The following DPF3 variants were observed in gnomAD, a reference collection of about 807,000 sequenced individuals.
The protein encoded by DPF3 is zinc finger protein DPF3.
Under a neutral mutation model 56.8 loss-of-function variants are expected in DPF3, and 18 were observed. That is an observed-to-expected ratio of 0.32 (90% CI 0.22 to 0.47). DPF3 has a LOEUF of 0.47. Ranked by LOEUF, DPF3 falls within the 20% of genes least tolerant of loss-of-function variation. The pLI is 1.00. For synonymous variants in DPF3, 188 were observed against 180.2 expected (o/e 1.04, Z -0.35); for missense variants, 403 against 488.8 (o/e 0.82, Z 1.65).
At chr14:72,712,148 A>G (rs1197908010) in intron 6 of DPF3, among the ~76,000 whole-genome samples, 2 of 152,058 alleles carry the variant, frequency 1.3e-5, no homozygotes, top group African/African-American at 2.4e-5. Flanking sequence ...GCAGCCGCTG[A>G]GACTTCCAGA....
intron 7 of DPF3, chr14:72,675,809 T>C (rs934585189): frequency 6.6e-6 from 1 of 152,390 alleles, no homozygotes; most frequent in South Asian, 2.1e-4. Context: ...TGTTAGCTGT[T>C]TGGGGGACAC....
chr14:72,619,777 T>C (rs1884309855), intron 10 of DPF3, 126 bp downstream of exon 10: 2 of 944,758 alleles, frequency 2.1e-6, no homozygotes, highest in East Asian at 5.5e-5. Context: ...GTTGTGATGA[T>C]TAAATGAGAC....
At chr14:72,888,659 T>G (rs927840630) in intron 1 of DPF3, among the ~76,000 whole-genome samples, 1 of 152,216 alleles carries the variant, frequency 6.6e-6, no homozygotes, top group Non-Finnish European at 1.5e-5. Flanking sequence ...CCTTGTTAAC[T>G]ACCTTCATAT....
chr14:72,636,969 T>C (rs1009872217), intron 8 of DPF3, among the ~76,000 whole-genome samples: 1 of 152,242 alleles, frequency 6.6e-6, no homozygotes, highest in African/African-American at 2.4e-5. Context: ...TTCCTGTGCA[T>C]CCAGCTCCAC....
intron 6 of DPF3, among the ~76,000 whole-genome samples, chr14:72,700,635 C>A (rs778104442): frequency 6.6e-6 from 1 of 152,182 alleles, no homozygotes. Context: ...GCTTCTAGAT[C>A]GGCTCTGCCC....
At chr14:72,803,149 GTCC>G (rs1892954229) in intron 1 of DPF3, among the ~76,000 whole-genome samples, 1 of 152,196 alleles carries the variant, frequency 6.6e-6, no homozygotes, top group African/African-American at 2.4e-5. Flanking sequence ...GGATAGAAAA[GTCC>G]TCCTCTCTTC....
chr14:72,658,061 T>C (rs1331660208), intron 8 of DPF3, among the ~76,000 whole-genome samples: 1 of 152,202 alleles, frequency 6.6e-6, no homozygotes, highest in Non-Finnish European at 1.5e-5. Flanking sequence ...ATAAGATGCA[T>C]ACAAAACATA....
chr14:72,794,710 G>C (rs1469570165), intron 1 of DPF3, among the ~76,000 whole-genome samples: 1 of 152,184 alleles, frequency 6.6e-6, no homozygotes, highest in African/African-American at 2.4e-5. Context: ...TTGCTGCTGA[G>C]ACAAATTACT....
chr14:72,702,721 A>T (rs1599369877), intron 6 of DPF3, among the ~76,000 whole-genome samples: 1 of 152,324 alleles, frequency 6.6e-6, no homozygotes, highest in East Asian at 1.9e-4. Flanking sequence ...TGACTCCCAG[A>T]TACAAACTCA....
intron 3 of DPF3, 85 bp downstream of exon 3, chr14:72,753,179 G>T: frequency 7.7e-7 from 1 of 1,307,132 alleles, no homozygotes; most frequent in Non-Finnish European, 1.1e-6. Context: ...TATGGACAAA[G>T]GAGCAAACCA....
At chr14:72,687,974 C>T (rs1255504731) in intron 7 of DPF3, among the ~76,000 whole-genome samples, 4 of 151,852 alleles carry the variant, frequency 2.6e-5, no homozygotes, top group Non-Finnish European at 2.9e-5. Flanking sequence ...CCCTTGAGTC[C>T]TGAACTCCCT....
intron 8 of DPF3, among the ~76,000 whole-genome samples, chr14:72,648,404 A>C (rs1885787870): frequency 6.6e-6 from 1 of 152,024 alleles, no homozygotes; most frequent in African/African-American, 2.4e-5. Context: ...TCCACTAAAA[A>C]TACAAAATTA....
intron 3 of DPF3, among the ~76,000 whole-genome samples, chr14:72,734,343 C>T (rs907124512): frequency 6.6e-6 from 1 of 152,158 alleles, no homozygotes; most frequent in Non-Finnish European, 1.5e-5. Context: ...GAGTGTCAGA[C>T]AAACAGCCAA....
chr14:72,670,635 T>TTC (rs140358812), intron 8 of DPF3: 56,641 of 918,896 alleles, frequency 0.062, 1,077 homozygotes, highest in African/African-American at 0.21. Context: ...TTGATTTCCC[T>TTC]TCTCTCTCTC....
At chr14:72,781,427 T>C (rs925675538) in intron 1 of DPF3, among the ~76,000 whole-genome samples, 1 of 152,218 alleles carries the variant, frequency 6.6e-6, no homozygotes, top group African/African-American at 2.4e-5. Context: ...GCTTGAACCC[T>C]AAAACATCCA....
At chr14:72,822,793 TAGA>T (rs1190978387) in intron 1 of DPF3, among the ~76,000 whole-genome samples, 1 of 152,100 alleles carries the variant, frequency 6.6e-6, no homozygotes, top group African/African-American at 2.4e-5. Context: ...TTGAGTTTTT[TAGA>T]AGGAAAGAGA....
chr14:72,634,448 G>C (rs1885330162), intron 8 of DPF3, among the ~76,000 whole-genome samples: 1 of 152,126 alleles, frequency 6.6e-6, no homozygotes, highest in Middle Eastern at 3.2e-3. Flanking sequence ...TTGTTTCTAA[G>C]GTTCACTGGT....
chr14:72,847,827 T>C (rs1335811507), intron 1 of DPF3, among the ~76,000 whole-genome samples: 42 of 152,190 alleles, frequency 2.8e-4, no homozygotes, highest in Non-Finnish European at 2.6e-4. Context: ...CCTTTCTTTA[T>C]TTTTATGATA....
At chr14:72,633,663 A>C (rs1885289072) in intron 8 of DPF3, among the ~76,000 whole-genome samples, 1 of 152,200 alleles carries the variant, frequency 6.6e-6, no homozygotes, top group Non-Finnish European at 1.5e-5. Context: ...TCAGGGCAAA[A>C]GCTACCCTAC....
Sources: allele counts gnomAD v4.1 joint callset (sites outside exome capture counted in the v4.1 genomes callset), GRCh38; gene constraint gnomAD v4.1.1; transcripts MANE v1.5; gene names NCBI Gene and HGNC (gene_info 2026-07-23, HGNC 2026-07-21).